ULK4: variants seen among roughly 807,000 people sequenced by gnomAD.
The protein encoded by ULK4 is unc-51 like kinase 4.
ULK4 carries 133 observed loss-of-function variants against 160.6 expected under a neutral mutation model. The observed-to-expected ratio is 0.83, with a 90% CI of 0.72 to 0.96. The LOEUF is 0.96. Among genes scored for constraint, ULK4 ranks in the 40% least tolerant of loss-of-function variants. ULK4 has a pLI of 0.00. For synonymous variants in ULK4, 534 were observed against 539.8 expected (o/e 0.99, Z 0.15); for missense variants, 1,580 against 1,499.5 (o/e 1.05, Z -0.89).
intron 30 of ULK4, among the ~76,000 whole-genome samples, chr3:41,647,022 G>C (rs886808176): frequency 1.3e-5 from 2 of 151,872 alleles, no homozygotes; most frequent in African/African-American, 2.4e-5. Flanking sequence ...TGTAGTTCTC[G>C]AGCCTTGGCT....
chr3:41,403,435 T>C (rs2125820212), intron 34 of ULK4, among the ~76,000 whole-genome samples: 1 of 152,344 alleles, frequency 6.6e-6, no homozygotes, highest in East Asian at 1.9e-4. Context: ...AGATATACAC[T>C]GACATCTCTT....
chr3:41,690,847 G>T (rs905051366), intron 27 of ULK4, among the ~76,000 whole-genome samples: 1 of 151,788 alleles, frequency 6.6e-6, no homozygotes, highest in African/African-American at 2.4e-5. Flanking sequence ...ATGCAAAAGG[G>T]GGGTACTTCC....
chr3:41,611,399 G>C (rs1403881740), intron 31 of ULK4, among the ~76,000 whole-genome samples: 1 of 152,066 alleles, frequency 6.6e-6, no homozygotes, highest in Non-Finnish European at 1.5e-5. Flanking sequence ...CCAAACACCA[G>C]GAAACTTGAA....
intron 18 of ULK4, among the ~76,000 whole-genome samples, chr3:41,824,912 C>A (rs896274912): frequency 1.1e-4 from 17 of 152,214 alleles, no homozygotes; most frequent in African/African-American, 4.1e-4. Context: ...GGGAGGCACC[C>A]CCAGTAGGGG....
At chr3:41,870,504 G>T (rs1383757970) in intron 17 of ULK4, among the ~76,000 whole-genome samples, 4 of 152,144 alleles carry the variant, frequency 2.6e-5, no homozygotes, top group Non-Finnish European at 5.9e-5. Flanking sequence ...CATCCAATAA[G>T]TGTTTTTGAA....
At chr3:41,736,585 G>C (rs1450303452) in intron 22 of ULK4, among the ~76,000 whole-genome samples, 1 of 151,768 alleles carries the variant, frequency 6.6e-6, no homozygotes, top group Non-Finnish European at 1.5e-5. Context: ...GTAGATTCTG[G>C]ATATTAGCCC....
At chr3:41,282,374 G>C (rs573717205) in intron 35 of ULK4, among the ~76,000 whole-genome samples, 1 of 152,320 alleles carries the variant, frequency 6.6e-6, no homozygotes, top group African/African-American at 2.4e-5. Flanking sequence ...AAAGCTGGAG[G>C]CATCATGCTA....
chr3:41,579,140 A>G (rs984560257), intron 31 of ULK4, among the ~76,000 whole-genome samples: 1 of 152,230 alleles, frequency 6.6e-6, no homozygotes, highest in Non-Finnish European at 1.5e-5. Flanking sequence ...GAAATGGGAA[A>G]GAGGGAAAGG....
intron 35 of ULK4, among the ~76,000 whole-genome samples, chr3:41,346,218 G>C (rs923059451): frequency 2.6e-5 from 4 of 152,108 alleles, no homozygotes; most frequent in Non-Finnish European, 5.9e-5. Flanking sequence ...TTGACTGAGC[G>C]TTTCACCTAG....
Position 41,412,553 on chromosome 3 carries a change from A to ATTTTTTTTTTTTTTTTTTTTTTTTT in ULK4, c.3493-14314_3493-14290dup, listed in dbSNP as rs57224854. Among the ~76,000 whole-genome samples the ATTTTTTTTTTTTTTTTTTTTTTTTT allele has an allele frequency of 1.9e-4, 19 of 100,434 alleles. 1 individual carries two copies. The highest frequency in any genetic ancestry group is 3.7e-4 in the African/African-American group (9 of 24,090). The allele number at this position is 100,434 out of a possible 152,430, so 65.9% of individuals were successfully genotyped here. A position where few individuals can be genotyped will look rare whatever the true frequency, so the allele number is the denominator to read the frequency against. On this transcript the variant is annotated intron_variant, in intron 34 of 36. Transcript: ENST00000301831. ...TAAAGGTCAATGGCAATGCAGTTGA[A>ATTTTTTTTTTTTTTTTTTTTTTTTT]TTTTTTTTTTTTTTTTTTTTTTTTT...
intron 35 of ULK4, among the ~76,000 whole-genome samples, chr3:41,380,280 C>T (rs1311481663): frequency 1.3e-5 from 2 of 151,988 alleles, no homozygotes; most frequent in African/African-American, 4.8e-5. Flanking sequence ...CATAGTTTTA[C>T]AAAAAGAGAC....
chr3:41,921,457 T>C (rs553395261), intron 5 of ULK4, among the ~76,000 whole-genome samples: 3 of 150,270 alleles, frequency 2.0e-5, no homozygotes, highest in East Asian at 2.0e-4. Context: ...TAAAAAAAAA[T>C]ACAAAAAATT....
intron 32 of ULK4, among the ~76,000 whole-genome samples, chr3:41,513,111 G>C (rs2085643046): frequency 6.6e-6 from 1 of 152,158 alleles, no homozygotes. Context: ...AAGAATGGAA[G>C]TGAAATCTCA....
At chr3:41,893,233 CAAT>C (rs1181916109) in intron 16 of ULK4, among the ~76,000 whole-genome samples, 2 of 152,020 alleles carry the variant, frequency 1.3e-5, no homozygotes, top group East Asian at 3.8e-4. Flanking sequence ...GGTTATACAA[CAAT>C]GAGAATGAAC....
chr3:41,580,756 G>A (rs973303676), intron 31 of ULK4, among the ~76,000 whole-genome samples: 4 of 152,192 alleles, frequency 2.6e-5, no homozygotes, highest in Admixed American at 1.3e-4. Flanking sequence ...GCAGGGAAGG[G>A]CACTGCAGCC....
intron 34 of ULK4, among the ~76,000 whole-genome samples, chr3:41,419,958 G>T (rs1040095569): frequency 6.6e-6 from 1 of 151,930 alleles, no homozygotes; most frequent in Non-Finnish European, 1.5e-5. Flanking sequence ...TGTGCCAAAG[G>T]CTTCCATATG....
Position 41,835,932 on chromosome 3 carries a change from TGAA to T in ULK4, c.1693_1695del (p.Phe565del). 6.2e-7 allele frequency: 1 copy of T among 1,611,742 alleles called. No individual in the cohort carries two copies. Among genetic ancestry groups the T allele is most frequent in the South Asian group, 1.1e-5 (1 of 90,824 alleles). On this transcript the variant is annotated inframe_deletion, in exon 18 of 37. Coordinates refer to ENST00000301831, the MANE Select transcript of ULK4 (RefSeq NM_017886.4). Reference sequence around the variant, plus strand: ...AGGCACTGTTTTAATTTGCTGTTCCTGAAGTTTTCCCTAATTAATTCAGTTAAG... The same window carrying T: ...AGGCACTGTTTTAATTTGCTGTTCCTGTTTTCCCTAATTAATTCAGTTAAG...
intron 35 of ULK4, among the ~76,000 whole-genome samples, chr3:41,391,094 T>C (rs755352935): frequency 2.8e-4 from 43 of 152,152 alleles, no homozygotes; most frequent in Non-Finnish European, 5.4e-4. Context: ...AACATATTTA[T>C]CGTCCAGGTC....
chr3:41,672,878 C>T (rs781333346), intron 29 of ULK4, among the ~76,000 whole-genome samples: 12 of 152,190 alleles, frequency 7.9e-5, no homozygotes, highest in East Asian at 3.9e-4. Flanking sequence ...ATTCTGTCAC[C>T]GAGGCTGGAG....
Sources: gnomAD v4.1 joint callset for allele counts (sites outside exome capture counted in the v4.1 genomes callset) on GRCh38, gnomAD v4.1.1 for gene constraint, MANE v1.5 for transcripts, NCBI Gene and HGNC (gene_info 2026-07-23, HGNC 2026-07-21) for gene names.